COL23A1: variants seen among roughly 807,000 people sequenced by gnomAD.
The protein encoded by COL23A1 is collagen alpha-1(XXIII) chain.
Under a neutral mutation model 99.3 loss-of-function variants are expected in COL23A1, and 97 were observed. That is an observed-to-expected ratio of 0.98 (90% CI 0.83 to 1.16). The LOEUF is 1.16. Ranked by LOEUF, COL23A1 falls within the 50% of genes most tolerant of loss-of-function variation. COL23A1 has a pLI of 0.00. For missense variants in COL23A1, 762 were observed against 757.4 expected (o/e 1.01, Z -0.07); for synonymous variants, 320 against 308.2 (o/e 1.04, Z -0.40).
At chr5:178,244,055 T>C (rs576413759) in intron 25 of COL23A1, among the ~76,000 whole-genome samples, 1 of 152,246 alleles carries the variant, frequency 6.6e-6, no homozygotes, top group East Asian at 1.9e-4. Context: ...TCTCAGCTCA[T>C]TGCAAGCTCC....
At chr5:178,359,949 G>A (rs1212101240) in intron 2 of COL23A1, among the ~76,000 whole-genome samples, 2 of 152,242 alleles carry the variant, frequency 1.3e-5, no homozygotes, top group Non-Finnish European at 2.9e-5. Flanking sequence ...TGGAGCAGGG[G>A]TGGGGTTAAG....
chr5:178,298,092 G>A (rs1423204217), intron 3 of COL23A1, among the ~76,000 whole-genome samples: 2 of 151,798 alleles, frequency 1.3e-5, no homozygotes, highest in Non-Finnish European at 2.9e-5. Flanking sequence ...TGTGTTCCAA[G>A]CATAGGATGG....
chr5:178,515,950 C>A (rs1464051588), intron 2 of COL23A1, among the ~76,000 whole-genome samples: 1 of 152,114 alleles, frequency 6.6e-6, no homozygotes, highest in Non-Finnish European at 1.5e-5. Flanking sequence ...CTGCCAGACG[C>A]CTCTGCACGC....
At chr5:178,353,271 TA>T (rs1761431341) in intron 2 of COL23A1, among the ~76,000 whole-genome samples, 1 of 151,934 alleles carries the variant, frequency 6.6e-6, no homozygotes, top group East Asian at 1.9e-4. Context: ...AAAAAAGCTA[TA>T]AATTTCTTTT....
chr5:178,257,024 G>GTGTAGTGCAAAGGCGCA, intron 13 of COL23A1, 96 bp from the exon 14 acceptor site: 4 of 1,064,066 alleles, frequency 3.8e-6, no homozygotes, highest in Non-Finnish European at 5.6e-6. Flanking sequence ...GAAGCCTCGC[G>GTGTAGTGCAAAGGCGCA]ATTAGGCCTC....
chr5:178,531,578 C>T (rs1760653818), intron 2 of COL23A1, among the ~76,000 whole-genome samples: 1 of 152,186 alleles, frequency 6.6e-6, no homozygotes, highest in Admixed American at 6.5e-5. Context: ...AGAAGATAAT[C>T]CCCCCGTGTT....
At position 178,247,803 on chromosome 5, in the gene COL23A1, G is replaced by A; in HGVS notation, c.1241C>T (p.Pro414Leu). The A allele has an allele frequency of 1.2e-6, 2 of 1,613,060 alleles. No individual in the cohort carries two copies. Among genetic ancestry groups the A allele is most frequent in the Non-Finnish European group, 1.7e-6 (2 of 1,179,306 alleles). Residue 414 changes from proline to leucine, a missense_variant, in exon 21 of 29, where the codon CCT (proline) becomes CTT (leucine). Coordinates refer to ENST00000390654, the MANE Select transcript of COL23A1 (RefSeq NM_173465.4). ...CGGGCCTGGGGGGCCAGGGGGGCCA[G>A]GGGGCCCTGGCTCCACTATGAGCTG... ...LAQLIVEPGP[P>L]GPPGPPGPMG... is the part of the protein sequence containing the mutation.
intron 2 of COL23A1, among the ~76,000 whole-genome samples, chr5:178,516,465 C>T (rs1054950479): frequency 1.3e-5 from 2 of 152,248 alleles, no homozygotes; most frequent in African/African-American, 2.4e-5. Context: ...GACAGAGGCT[C>T]TGAGCACCGG....
At chr5:178,477,137 A>G (rs1562006376) in intron 2 of COL23A1, among the ~76,000 whole-genome samples, 2 of 152,346 alleles carry the variant, frequency 1.3e-5, no homozygotes, top group East Asian at 1.9e-4. Context: ...GTAAAGCGCC[A>G]TAAGAGGCTG....
intron 1 of COL23A1, among the ~76,000 whole-genome samples, chr5:178,585,547 A>G (rs77835406): frequency 0.023 from 1,753 of 76,454 alleles, 179 homozygotes; most frequent in African/African-American, 0.056. Context: ...AACACTCCAC[A>G]GCCCTGGTTG....
At chr5:178,501,954 G>A (rs577920806) in intron 2 of COL23A1, among the ~76,000 whole-genome samples, 1 of 152,212 alleles carries the variant, frequency 6.6e-6, no homozygotes, top group Non-Finnish European at 1.5e-5. Context: ...AGGGAAGGAC[G>A]GCTAAAACAG....
rs1328343407 is a variant in COL23A1 at position 178,306,742 on chromosome 5, G to C, written c.406+133C>G. On this transcript the variant is annotated intron_variant, in intron 3 of 28. Transcript: ENST00000390654. The surrounding 1 kb of genome is among the most constrained non-coding windows in gnomAD (Gnocchi z 4.1). Reference sequence around the variant, plus strand: ...CAGGAAACGGCAGCTGGACTTGGAAGGGGGAGGAGCACCTGCCCAGGACCA... The same window carrying C: ...CAGGAAACGGCAGCTGGACTTGGAACGGGGAGGAGCACCTGCCCAGGACCA... The C allele has an allele frequency of 1.8e-6, 1 of 556,326 alleles. No individual in the cohort carries two copies. The highest frequency in any genetic ancestry group is 3.0e-6 in the Non-Finnish European group (1 of 335,018). The allele number at this position is 556,326 out of a possible 1,614,324, so 34.5% of individuals were successfully genotyped here.
chr5:178,492,576 C>A (rs1360909840), intron 2 of COL23A1, among the ~76,000 whole-genome samples: 2 of 151,880 alleles, frequency 1.3e-5, no homozygotes, highest in African/African-American at 4.8e-5. Flanking sequence ...GAAATCCAGG[C>A]CATACAAAGG....
intron 2 of COL23A1, among the ~76,000 whole-genome samples, chr5:178,464,417 A>G (rs984422353): frequency 1.3e-5 from 2 of 152,212 alleles, no homozygotes; most frequent in African/African-American, 4.8e-5. Flanking sequence ...ATACTATTCC[A>G]TCATATGCAT....
At chr5:178,367,730 C>T (rs1411610102) in intron 2 of COL23A1, among the ~76,000 whole-genome samples, 5 of 152,366 alleles carry the variant, frequency 3.3e-5, no homozygotes, top group South Asian at 2.1e-4. Flanking sequence ...ATCATCCAAA[C>T]GCCTACTTCC....
At chr5:178,273,038 C>T (rs1286162409) in intron 5 of COL23A1, among the ~76,000 whole-genome samples, 3 of 152,256 alleles carry the variant, frequency 2.0e-5, no homozygotes, top group African/African-American at 7.2e-5. Context: ...TCCATCCTGT[C>T]TGCACTGCAG....
intron 2 of COL23A1, among the ~76,000 whole-genome samples, chr5:178,427,326 C>A (rs1242827808): frequency 6.6e-6 from 1 of 152,158 alleles, no homozygotes; most frequent in African/African-American, 2.4e-5. Context: ...GGTGGGAATG[C>A]AGAAGGGTAC....
chr5:178,355,677 C>T (rs1396644220), intron 2 of COL23A1, among the ~76,000 whole-genome samples: 2 of 152,220 alleles, frequency 1.3e-5, no homozygotes, highest in African/African-American at 2.4e-5. Flanking sequence ...GGACCACAGG[C>T]TCACGCCGCC....
intron 2 of COL23A1, among the ~76,000 whole-genome samples, chr5:178,323,198 C>T (rs925653758): frequency 6.6e-6 from 1 of 152,142 alleles, no homozygotes; most frequent in Non-Finnish European, 1.5e-5. Context: ...TCACCATGCC[C>T]TGTGGTCCTG....
Sources: gnomAD v4.1 joint callset for allele counts (sites outside exome capture counted in the v4.1 genomes callset) on GRCh38, gnomAD v4.1.1 for gene constraint, Gnocchi (gnomAD v3.1) non-coding constraint, MANE v1.5 for transcripts, NCBI Gene and HGNC (gene_info 2026-07-23, HGNC 2026-07-21) for gene names.